SLK: variants seen among roughly 807,000 people sequenced by gnomAD.
The protein encoded by SLK is STE20 like kinase.
In SLK, 67 loss-of-function variants were observed where a neutral mutation model predicts 147.7. That is an observed-to-expected ratio of 0.45 (90% CI 0.37 to 0.56). The LOEUF (loss-of-function observed/expected upper bound fraction) is 0.56. Among genes scored for constraint, SLK ranks in the 20% least tolerant of loss-of-function variants. The probability of loss-of-function intolerance (pLI) is 0.00; values close to 1 mark genes in which losing one functional copy is unlikely to be tolerated. For synonymous variants in SLK, 441 were observed against 475.0 expected (o/e 0.93, Z 0.93); for missense variants, 1,136 against 1,438.8 (o/e 0.79, Z 3.41).
chr10:103,980,956 A>G (rs1342889469), intron 1 of SLK, among the ~76,000 whole-genome samples: 1 of 152,122 alleles, frequency 6.6e-6, no homozygotes, highest in Non-Finnish European at 1.5e-5. Context: ...TGTGCACAAG[A>G]GTTCTAATTT....
Position 104,008,248 on chromosome 10 carries a change from G to A in SLK, c.2676G>A (p.Leu892=), listed in dbSNP as rs1228278732. The A allele has an allele frequency of 2.5e-6, 4 of 1,613,938 alleles. No homozygotes were observed. The highest frequency in any genetic ancestry group is 3.4e-6 in the Non-Finnish European group (4 of 1,179,904). ...AGCAGAAACAGACTATCGAACGCCT[G>A]GAACAAGAGCACACAAATCGCTTGC... ...EKQQKQTIER[L]EQEHTNRLRD... is the part of the protein sequence containing the mutation. The change falls in exon 12 of 19, where the codon CTG becomes CTA. Residue 892 remains leucine, a synonymous_variant. Transcript: ENST00000369755.
rs1165343158 is a variant in SLK, at chr10:104,025,799, A to G, written c.*79A>G. The G allele has an allele frequency of 3.2e-6, 4 of 1,268,688 alleles. No homozygotes were observed. The highest frequency in any genetic ancestry group is 2.1e-5 in the Admixed American group (1 of 48,156). The allele number at this position is 1,268,688 out of a possible 1,614,324, so 78.6% of individuals were successfully genotyped here. Reference sequence around the variant, plus strand: ...CTCATCTTCTGCCACAGTCTCTCAGATAGCTCATGAAGACAATCACCTGCC... The same window carrying G: ...CTCATCTTCTGCCACAGTCTCTCAGGTAGCTCATGAAGACAATCACCTGCC... On this transcript the variant is annotated 3_prime_UTR_variant, in exon 19 of 19. Transcript: ENST00000369755.
chr10:104,014,042 A>G (rs1217797094), intron 13 of SLK, among the ~76,000 whole-genome samples: 1 of 151,248 alleles, frequency 6.6e-6, no homozygotes, highest in African/African-American at 2.4e-5. Flanking sequence ...TGTTCTGTCT[A>G]CCCCGCCACA....
At position 104,020,537 on chromosome 10, in the gene SLK, A is replaced by G; in HGVS notation, c.3371A>G (p.His1124Arg). The G allele has an allele frequency of 4.3e-6, 7 of 1,614,004 alleles. No individual in the cohort carries two copies. Among genetic ancestry groups the G allele is most frequent in the Non-Finnish European group, 5.9e-6 (7 of 1,179,938 alleles). The stretch of plus-strand genomic sequence containing the variant: ...CAGAAAAATGAGAGAATGGCTCAGC[A>G]TCAGAAACATGAGAATCAAATGCGA... ...KRQKNERMAQ[H>R]QKHENQMRDL... Residue 1124 changes from histidine (H) to arginine (R), a missense_variant, in exon 17 of 19, where the codon CAT becomes CGT. Physicochemically the swap from His to Arg is conservative, Grantham distance 29. Around this residue, in one of 6 missense-constraint regions of SLK, gnomAD observed 327 missense variants for 457.5 expected, o/e 0.71. Transcript: ENST00000369755.
At position 103,971,369 on chromosome 10, in the gene SLK, G is replaced by A. The variant is rs559244928; in HGVS notation, c.150+3474G>A. Among the ~76,000 whole-genome samples the A allele has an allele frequency of 2.0e-5, 3 of 152,254 alleles. No homozygotes were observed. In the South Asian group the frequency reaches 6.2e-4, roughly 32 times the overall value. ...GGCTCACTGCAACCTCCGCCTCCCA[G>A]GTTCAAGCAATTCTCCTGCCTCAGC... On this transcript the variant is annotated intron_variant, in intron 1 of 18. Transcript: ENST00000369755.
intron 1 of SLK, among the ~76,000 whole-genome samples, chr10:103,987,324 G>A (rs528098268): frequency 6.6e-6 from 1 of 152,016 alleles, no homozygotes; most frequent in African/African-American, 2.4e-5. Flanking sequence ...CCATTCACAA[G>A]TATAAAAGAT....
chr10:104,018,885 C>CA lies in SLK; in HGVS notation c.3110dup (p.Leu1038AlafsTer3). On this transcript the variant is annotated frameshift_variant, in exon 15 of 19. Coordinates refer to ENST00000369755, the MANE Select transcript of SLK (RefSeq NM_014720.4). LOFTEE classifies it high-confidence loss of function. ...AGATCAGTATTTCATGCAAAGACATCAGCTACTTAAGCGCCACGAGAAGGT... is the reference window on the plus strand; with the variant it reads ...AGATCAGTATTTCATGCAAAGACATCAAGCTACTTAAGCGCCACGAGAAGGT... 6.2e-7 allele frequency: 1 copy of CA among 1,601,844 alleles called. No homozygotes were observed. Among genetic ancestry groups the CA allele is most frequent in the Non-Finnish European group, 8.5e-7 (1 of 1,176,236 alleles).
chr10:103,976,033 G>T (rs955348171), intron 1 of SLK, among the ~76,000 whole-genome samples: 1 of 152,144 alleles, frequency 6.6e-6, no homozygotes, highest in Non-Finnish European at 1.5e-5. Context: ...CTCCCAAGTA[G>T]CTGGGACTGT....
At chr10:104,011,288 A>C (rs1844396829) in intron 13 of SLK, among the ~76,000 whole-genome samples, 1 of 152,250 alleles carries the variant, frequency 6.6e-6, no homozygotes, top group South Asian at 2.1e-4. Flanking sequence ...TGCTTACAAA[A>C]AGTATGCCCA....
Position 104,003,436 on chromosome 10 carries a change from G to A in SLK, c.2258G>A (p.Gly753Asp), listed in dbSNP as rs967791467. Residue 753 changes from glycine to aspartate, a missense_variant, in exon 9 of 19, where the codon GGT becomes GAT. Coordinates refer to ENST00000369755, the MANE Select transcript of SLK (RefSeq NM_014720.4). Reference protein sequence around the residue: ...PKENDNDSGTGSTADTSSIDL... With the variant: ...PKENDNDSGTDSTADTSSIDL... ...GAAAATGATAATGATTCAGGCACTG[G>A]TTCCACTGCTGATACTAGCAGTATT... The A allele has an allele frequency of 1.2e-6, 2 of 1,613,524 alleles. No individual in the cohort carries two copies. The highest frequency in any genetic ancestry group is 1.3e-5 in the African/African-American group (1 of 74,914).
intron 13 of SLK, among the ~76,000 whole-genome samples, chr10:104,016,769 T>C (rs941212903): frequency 4.8e-5 from 6 of 125,314 alleles, no homozygotes; most frequent in Non-Finnish European, 7.8e-5. Flanking sequence ...GGAGTGAGAC[T>C]CTCTGTGCAT....
intron 18 of SLK, among the ~76,000 whole-genome samples, chr10:104,022,011 G>A (rs1754781108): frequency 6.6e-6 from 1 of 152,140 alleles, no homozygotes; most frequent in Admixed American, 6.5e-5. Context: ...GGTAAGTCAG[G>A]GAGGGTCTTC....
At chr10:103,987,101 GT>G (rs1031743290) in intron 1 of SLK, among the ~76,000 whole-genome samples, 9 of 151,912 alleles carry the variant, frequency 5.9e-5, no homozygotes, top group African/African-American at 2.2e-4. Context: ...TTTCAGTTTT[GT>G]TTTTTTAAAG....
intron 1 of SLK, among the ~76,000 whole-genome samples, chr10:103,971,820 A>T (rs1843797704): frequency 6.6e-6 from 1 of 152,246 alleles, no homozygotes; most frequent in South Asian, 2.1e-4. Flanking sequence ...AAAGTGAATT[A>T]TTATTAACAA....
intron 1 of SLK, among the ~76,000 whole-genome samples, chr10:103,969,790 C>T (rs995047801): frequency 1.3e-5 from 2 of 152,152 alleles, no homozygotes; most frequent in Non-Finnish European, 2.9e-5. Flanking sequence ...CTTCTCTGGA[C>T]CTCCGTTTTC....
chr10:104,013,169 CT>C (rs578246234), intron 13 of SLK, among the ~76,000 whole-genome samples: 1 of 152,186 alleles, frequency 6.6e-6, no homozygotes, highest in Non-Finnish European at 1.5e-5. Context: ...CTATTTCAAA[CT>C]TTTTTTGAGA....
chr10:103,977,982 C>A (rs1042865500), intron 1 of SLK, among the ~76,000 whole-genome samples: 1 of 152,164 alleles, frequency 6.6e-6, no homozygotes, highest in Non-Finnish European at 1.5e-5. Context: ...TCTATCCATC[C>A]ATTCATCCAT....
At chr10:104,020,764 G>A in intron 17 of SLK, 151 bp downstream of exon 17, 2 of 728,366 alleles carry the variant, frequency 2.7e-6, no homozygotes, top group Non-Finnish European at 4.4e-6. Flanking sequence ...TCCAAATGAA[G>A]ATCAGTTTGG....
intron 4 of SLK, among the ~76,000 whole-genome samples, chr10:103,994,760 C>T (rs970472889): frequency 5.3e-5 from 8 of 152,286 alleles, no homozygotes; most frequent in South Asian, 4.1e-4. Context: ...TCCATGGAAC[C>T]TGGGCTGTTT....
Sources: allele counts gnomAD v4.1 joint callset (sites outside exome capture counted in the v4.1 genomes callset), GRCh38; gene constraint gnomAD v4.1.1; regional missense constraint gnomAD v4.1.1; transcripts MANE v1.5; gene names NCBI Gene and HGNC (gene_info 2026-07-23, HGNC 2026-07-21).